Variants in ERI1 observed in about 807,000 individuals in gnomAD.
ERI1 encodes 3'-5' exoribonuclease 1.
Under a neutral mutation model 39.7 loss-of-function variants are expected in ERI1, and 39 were observed. The observed-to-expected ratio is 0.98, with a 90% CI of 0.76 to 1.28. ERI1 has a LOEUF of 1.28. Ranked by LOEUF, ERI1 falls within the 50% of genes most tolerant of loss-of-function variation. The probability of loss-of-function intolerance (pLI) is 0.00; values close to 1 mark genes in which losing one functional copy is unlikely to be tolerated. For missense variants in ERI1, 581 were observed against 416.9 expected (o/e 1.39, Z -3.43); for synonymous variants, 204 against 149.6 (o/e 1.36, Z -2.65).
At position 9,018,071 on chromosome 8, in the gene ERI1, G is replaced by T. The variant is rs1037680106; in HGVS notation, c.583-226G>T. On this transcript the variant is annotated intron_variant, in intron 4 of 6. Transcript: ENST00000250263. ...GGGATGATCTTAAATCTTAATTTTG[G>T]GAGGATTATACTTTTCAGTTGAAAG... Among the ~76,000 whole-genome samples, 14 of 152,134 alleles carry T rather than the reference G, an allele frequency of 9.2e-5. 1 individual carries two copies. The highest frequency in any genetic ancestry group is 2.7e-4 in the African/African-American group (11 of 41,410).
At chr8:9,086,350 G>C (rs1414209150) in intron 3 of ERI1, among the ~76,000 whole-genome samples, 6 of 152,246 alleles carry the variant, frequency 3.9e-5, no homozygotes, top group South Asian at 4.1e-4. Context: ...AGGAGTTTGA[G>C]ACCAGCCTGG....
At chr8:9,003,597 C>G (rs1815614820) in intron 1 of ERI1, among the ~76,000 whole-genome samples, 1 of 152,158 alleles carries the variant, frequency 6.6e-6, no homozygotes, top group Non-Finnish European at 1.5e-5. Flanking sequence ...AAGCACTCAC[C>G]AGCATCCCTG....
intron 6 of ERI1, among the ~76,000 whole-genome samples, chr8:9,021,774 G>GTTTTTTTTTTTTTTTTTTTTT (rs200507835): frequency 3.4e-5 from 3 of 88,284 alleles, no homozygotes; most frequent in Admixed American, 1.1e-4. Context: ...TGTTTTTTTT[G>GTTTTTTTTTTTTTTTTTTTTT]TTTTTTTTTT....
At chr8:9,028,708 C>G (rs886818153) in intron 6 of ERI1, among the ~76,000 whole-genome samples, 10 of 152,266 alleles carry the variant, frequency 6.6e-5, no homozygotes, top group South Asian at 2.1e-4. Flanking sequence ...ACTGTAACCT[C>G]TGCCTCCCGG....
At chr8:9,022,963 T>A (rs896743780) in intron 6 of ERI1, among the ~76,000 whole-genome samples, 8 of 152,210 alleles carry the variant, frequency 5.3e-5, no homozygotes, top group African/African-American at 1.9e-4. Flanking sequence ...GGTCATTTTC[T>A]TAGAAACACA....
chr8:9,060,774 G>A (rs1165254830), intron 3 of ERI1, among the ~76,000 whole-genome samples: 2 of 152,224 alleles, frequency 1.3e-5, no homozygotes, highest in Non-Finnish European at 2.9e-5. Flanking sequence ...TGGAAAGCTA[G>A]CTGCTTGTCT....
intron 2 of ERI1, among the ~76,000 whole-genome samples, chr8:9,009,458 G>A (rs753376073): frequency 6.6e-6 from 1 of 152,284 alleles, no homozygotes; most frequent in African/African-American, 2.4e-5. Context: ...AGTTTGTATG[G>A]TTTCTGCAAC....
chr8:9,005,883 G>T (rs1022135843), intron 1 of ERI1, among the ~76,000 whole-genome samples: 1 of 152,162 alleles, frequency 6.6e-6, no homozygotes, highest in Admixed American at 6.5e-5. Flanking sequence ...TAATGTAAAA[G>T]CTTCTCTTAT....
At chr8:9,097,930 C>G (rs896472116) in intron 3 of ERI1, among the ~76,000 whole-genome samples, 3 of 152,122 alleles carry the variant, frequency 2.0e-5, no homozygotes, top group Non-Finnish European at 4.4e-5. Flanking sequence ...CCATGGAATA[C>G]TACTCAGTCA....
At chr8:9,045,159 C>T (rs1230530378) in intron 3 of ERI1, among the ~76,000 whole-genome samples, 2 of 147,810 alleles carry the variant, frequency 1.4e-5, no homozygotes, top group African/African-American at 2.5e-5. Context: ...TGGCGTGAAC[C>T]AGGGAGGTGG....
intron 3 of ERI1, among the ~76,000 whole-genome samples, chr8:9,093,218 C>G (rs914442310): frequency 1.3e-5 from 2 of 152,054 alleles, no homozygotes; most frequent in African/African-American, 4.8e-5. Flanking sequence ...TTGGGCCGCA[C>G]GTAAAATACA....
intron 3 of ERI1, among the ~76,000 whole-genome samples, chr8:9,043,124 A>G (rs1227664808): frequency 6.6e-6 from 1 of 152,224 alleles, no homozygotes; most frequent in East Asian, 1.9e-4. Context: ...GAAGGGGTAC[A>G]TAATTCGGAT....
chr8:9,061,520 G>A (rs1798695808), intron 3 of ERI1, among the ~76,000 whole-genome samples: 3 of 152,292 alleles, frequency 2.0e-5, no homozygotes, highest in Admixed American at 6.5e-5. Flanking sequence ...GGGCAGTGGC[G>A]GCCGCTGCAC....
rs1005269076 is a variant in ERI1, at chr8:9,030,424, A to G, written c.*390A>G. ...TATTAACATCACTAGATGAAACCATATCTTAAAATGCAGAAATGATTGGAA... is the reference window on the plus strand; with the variant it reads ...TATTAACATCACTAGATGAAACCATGTCTTAAAATGCAGAAATGATTGGAA... On this transcript the variant is annotated 3_prime_UTR_variant, in exon 7 of 7. Transcript: ENST00000250263. The G allele has an allele frequency of 5.0e-5, 9 of 180,622 alleles. No homozygotes were observed. Among genetic ancestry groups the G allele is most frequent in the Admixed American group, 3.7e-4 (7 of 18,780 alleles). 11.2% of individuals were successfully genotyped at this position (180,622 alleles called of 1,614,324 possible).
chr8:9,012,570 A>T (rs1472333321), intron 3 of ERI1, among the ~76,000 whole-genome samples: 3 of 152,194 alleles, frequency 2.0e-5, no homozygotes, highest in African/African-American at 7.2e-5. Context: ...TAATTTTCTT[A>T]TCCAAAGCAG....
At position 9,011,796 on chromosome 8, in the gene ERI1, A is replaced by G. The variant is rs199637353; in HGVS notation, c.498+44A>G. 17 of 1,452,672 alleles carry G rather than the reference A, an allele frequency of 1.2e-5. No individual in the cohort carries two copies. In the South Asian group the frequency reaches 1.6e-4, roughly 14 times the overall value. The allele number at this position is 1,452,672 out of a possible 1,614,324, so 90.0% of individuals were successfully genotyped here. On this transcript the variant is annotated intron_variant, in intron 3 of 6. Transcript: ENST00000250263. ...TTTAATTGTATTTCTAGCAGCAACTATTCTGGTGTTTACTGGTTATGTGGA... is the reference window on the plus strand; with the variant it reads ...TTTAATTGTATTTCTAGCAGCAACTGTTCTGGTGTTTACTGGTTATGTGGA...
intron 3 of ERI1, among the ~76,000 whole-genome samples, chr8:9,067,831 C>G (rs1042484453): frequency 7.6e-6 from 1 of 131,872 alleles, no homozygotes; most frequent in Non-Finnish European, 1.7e-5. Context: ...TCAACAAACT[C>G]CTGCCCCAGC....
chr8:9,035,532 A>G (rs118146527), downstream of ERI1, among the ~76,000 whole-genome samples: 122 of 152,278 alleles, frequency 8.0e-4, 1 homozygote, highest in East Asian at 0.019. Context: ...TGAATATTTG[A>G]AGCCTGCTGT....
intron 3 of ERI1, among the ~76,000 whole-genome samples, chr8:9,015,531 G>A (rs1384376946): frequency 1.3e-5 from 2 of 151,816 alleles, no homozygotes; most frequent in Non-Finnish European, 2.9e-5. Context: ...GACCATCCTG[G>A]CTAACATGGT....
Sources: gnomAD v4.1 joint callset for allele counts (sites outside exome capture counted in the v4.1 genomes callset) on GRCh38, gnomAD v4.1.1 for gene constraint, MANE v1.5 for transcripts, NCBI Gene and HGNC (gene_info 2026-07-23, HGNC 2026-07-21) for gene names.